The following ACOT1 variants were observed in gnomAD, a reference collection of about 807,000 sequenced individuals.
ACOT1 encodes the protein acyl-coenzyme A thioesterase 1.
ACOT1 carries 8 observed loss-of-function variants against 15.7 expected under a neutral mutation model. That is an observed-to-expected ratio of 0.51 (90% CI 0.30 to 0.92). ACOT1 has a LOEUF of 0.92. ACOT1 is among the 40% of genes least tolerant of loss of function. The pLI is 0.06. For missense variants in ACOT1, 151 were observed against 539.4 expected, an observed-to-expected ratio of 0.28 and a Z score of 7.13; for synonymous variants, 67 against 241.2, an observed-to-expected ratio of 0.28 and a Z score of 6.69.
the ACOT1 span, chr14:73,529,262 G>A: frequency 1.3e-5 from 2 of 150,188 alleles, no homozygotes; most frequent in Non-Finnish European, 2.9e-5. Context: ...GGCTAAGACA[G>A]GAGAATTGCT....
the ACOT1 span, chr14:73,492,678 G>T: frequency 6.2e-7 from 1 of 1,614,004 alleles, no homozygotes; most frequent in Non-Finnish European, 8.5e-7. This position sits in a 1 kb window ranked among gnomAD's most constrained non-coding sequence, Gnocchi z 4.9. Flanking sequence ...CTTCAGGATG[G>T]GATAGCTCGG....
At chr14:73,491,937 C>T in the ACOT1 span, 7 of 1,613,806 alleles carry the variant, frequency 4.3e-6, no homozygotes, top group Admixed American at 3.3e-5. Flanking sequence ...TTCTCTACTA[C>T]TGTGTGGCAG....
At chr14:73,521,333 C>T in the ACOT1 span, among the ~76,000 whole-genome samples, 1 of 152,074 alleles carries the variant, frequency 6.6e-6, no homozygotes, top group African/African-American at 2.4e-5. Flanking sequence ...CCTTTTTTAA[C>T]ATTCGTACTC....
the ACOT1 span, among the ~76,000 whole-genome samples, chr14:73,496,381 TA>T: frequency 0.015 from 2,243 of 152,282 alleles, 51 homozygotes; most frequent in African/African-American, 0.048. Context: ...ATAGGACTAA[TA>T]GGATTTTTGT....
the ACOT1 span, chr14:73,508,416 C>T: frequency 1.3e-6 from 1 of 780,012 alleles, no homozygotes; most frequent in East Asian, 2.5e-5. Context: ...GTGCCCCACT[C>T]AGTCTAGAAA....
chr14:73,530,341 T>C, the ACOT1 span: 1 of 138,970 alleles, frequency 7.2e-6, no homozygotes. Flanking sequence ...CCTAGAAATC[T>C]GCATTTTCAC....
the ACOT1 span, among the ~76,000 whole-genome samples, chr14:73,499,984 C>T: frequency 5.3e-5 from 8 of 152,192 alleles, no homozygotes; most frequent in African/African-American, 1.9e-4. Context: ...AATCCCAGCA[C>T]TTTGGGAGGC....
chr14:73,522,149 TG>T, the ACOT1 span: 1 of 984,114 alleles, frequency 1.0e-6, no homozygotes, highest in Non-Finnish European at 1.5e-6. Flanking sequence ...AGCAGGCCGG[TG>T]GTGGAGAACA....
At chr14:73,529,677 C>T in the ACOT1 span, among the ~76,000 whole-genome samples, 2 of 152,186 alleles carry the variant, frequency 1.3e-5, no homozygotes, top group South Asian at 2.1e-4. Flanking sequence ...GTCGCTTACC[C>T]TCACCCTCTG....
the ACOT1 span, chr14:73,492,667 G>C: frequency 2.7e-5 from 43 of 1,613,892 alleles, no homozygotes; most frequent in Non-Finnish European, 3.6e-5. This position sits in a 1 kb window ranked among gnomAD's most constrained non-coding sequence, Gnocchi z 4.9. Context: ...AAGTCCATAT[G>C]CTTCAGGATG....
At chr14:73,508,023 G>C in the ACOT1 span, 264 of 1,019,220 alleles carry the variant, frequency 2.6e-4, no homozygotes, top group Non-Finnish European at 3.8e-4. Flanking sequence ...TGGGATTACA[G>C]GCATAAGCCA....
At chr14:73,514,865 G>A in the ACOT1 span, among the ~76,000 whole-genome samples, 24,178 of 151,834 alleles carry the variant, frequency 0.16, 2,374 homozygotes, top group East Asian at 0.33. Context: ...TCAGGAGATC[G>A]AGACCATCCT....
the ACOT1 span, chr14:73,522,430 G>T: frequency 6.2e-7 from 1 of 1,614,186 alleles, no homozygotes; most frequent in South Asian, 1.1e-5. Flanking sequence ...GACTCCAGTC[G>T]TACTGCTGGC....
At chr14:73,494,179 A>G in the ACOT1 span, among the ~76,000 whole-genome samples, 1 of 152,202 alleles carries the variant, frequency 6.6e-6, no homozygotes, top group African/African-American at 2.4e-5. Context: ...CAAATCTGAC[A>G]AGTGAATATT....
the ACOT1 span, among the ~76,000 whole-genome samples, chr14:73,507,472 C>T: frequency 6.6e-6 from 1 of 152,124 alleles, no homozygotes; most frequent in Non-Finnish European, 1.5e-5. Flanking sequence ...CTTGCTCTGT[C>T]GCTCAGGCTG....
the ACOT1 span, chr14:73,491,683 A>G: frequency 1.2e-5 from 19 of 1,549,684 alleles, no homozygotes; most frequent in East Asian, 2.4e-4. Flanking sequence ...ACCGGCGCCT[A>G]TGGGAGCGCG....
At chr14:73,533,781 C>T (rs1393209203), upstream of ACOT1, among the ~76,000 whole-genome samples, 1 of 109,010 alleles carries the variant, frequency 9.2e-6, no homozygotes, top group African/African-American at 3.0e-5. Flanking sequence ...GTTCCAGCAG[C>T]TCATGCGTGT....
the ACOT1 span, chr14:73,509,507 G>A: frequency 3.1e-6 from 5 of 1,606,818 alleles, no homozygotes; most frequent in South Asian, 5.5e-5. Context: ...GAGAGTACTA[G>A]CCCCTTTGCT....
the ACOT1 span, among the ~76,000 whole-genome samples, chr14:73,511,644 G>A: frequency 6.6e-6 from 1 of 152,130 alleles, no homozygotes; most frequent in Admixed American, 6.5e-5. Flanking sequence ...GGAGGTTAAG[G>A]TGGGAGGATT....
Sources: allele counts gnomAD v4.1 joint callset (sites outside exome capture counted in the v4.1 genomes callset), GRCh38; gene constraint gnomAD v4.1.1; non-coding constraint Gnocchi (gnomAD v3.1); transcripts MANE v1.5; gene names NCBI Gene and HGNC (gene_info 2026-07-23, HGNC 2026-07-21).